Variants in TRMT10B observed in about 807,000 individuals in gnomAD.
TRMT10B encodes the protein tRNA methyltransferase 10B.
Under a neutral mutation model 43.8 loss-of-function variants are expected in TRMT10B, and 33 were observed. The observed-to-expected ratio is 0.75, with a 90% CI of 0.57 to 1.01. TRMT10B has a LOEUF of 1.01. TRMT10B is among the 50% of genes least tolerant of loss of function. TRMT10B has a pLI of 0.00. For missense variants in TRMT10B, 362 were observed against 369.8 expected (o/e 0.98, Z 0.17); for synonymous variants, 137 against 130.6 (o/e 1.05, Z -0.34).
At chr9:37,764,928 A>T (rs1405046738) in intron 4 of TRMT10B, among the ~76,000 whole-genome samples, 1 of 152,064 alleles carries the variant, frequency 6.6e-6, no homozygotes, top group African/African-American at 2.4e-5. Context: ...GTAATCAAGA[A>T]CAGAATGAAC....
chr9:37,763,813 A>G lies in TRMT10B; in HGVS notation c.420+60A>G, dbSNP rs753363625. ...CCATGAGGGAGGCCCAGAAGGGTACAGCTTTCCGAAGAATATGGTCAACTC... is the reference window on the plus strand; with the variant it reads ...CCATGAGGGAGGCCCAGAAGGGTACGGCTTTCCGAAGAATATGGTCAACTC... On this transcript the variant is annotated intron_variant, in intron 4 of 8. Transcript: ENST00000297994. 8.1e-6 allele frequency: 13 copies of G among 1,611,274 alleles called. No homozygotes were observed. In the African/African-American group the frequency reaches 1.6e-4, roughly 20 times the overall value.
In TRMT10B at chr9:37,761,982, G is replaced by T. The variant is rs114275172; in HGVS notation, c.51G>T (p.Leu17=). 7.0e-4 allele frequency: 1,132 copies of T among 1,614,012 alleles called. 6 individuals are homozygous for T. In the African/African-American group the frequency reaches 0.014, roughly 20 times the overall value. ...GSTQKVESPV[L]QGQEGILEET... ...CTCAGAAAGTAGAGTCACCTGTGCT[G>T]CAGGGGCAAGAAGGCATCCTAGAGG... Residue 17 remains leucine (L), a synonymous_variant, in exon 2 of 9, where the codon CTG becomes CTT. Coordinates refer to ENST00000297994, the MANE Select transcript of TRMT10B (RefSeq NM_144964.4).
intron 5 of TRMT10B, 132 bp from the exon 6 acceptor site, chr9:37,769,809 C>A (rs1827365741): frequency 5.4e-6 from 4 of 746,798 alleles, no homozygotes; most frequent in African/African-American, 5.2e-5. Flanking sequence ...CACCATGTTG[C>A]CCAGTCTGGT....
At chr9:37,761,850 T>C in intron 1 of TRMT10B, 53 bp from the exon 2 acceptor site, 2 of 1,271,256 alleles carry the variant, frequency 1.6e-6, no homozygotes, top group South Asian at 1.5e-5. Context: ...TGTAGGGAGA[T>C]ACCTATGTTA....
At chr9:37,776,716 A>G (rs1225397318) in intron 8 of TRMT10B, among the ~76,000 whole-genome samples, 4 of 152,072 alleles carry the variant, frequency 2.6e-5, no homozygotes, top group African/African-American at 7.3e-5. Context: ...CCTGGCCAAC[A>G]TGGTGAAACC....
intron 7 of TRMT10B, among the ~76,000 whole-genome samples, chr9:37,772,284 A>T (rs1827674273): frequency 6.6e-6 from 1 of 152,040 alleles, no homozygotes; most frequent in Non-Finnish European, 1.5e-5. Flanking sequence ...AAGTGCTGGG[A>T]TTACAGGCAT....
At position 37,777,626 on chromosome 9, in the gene TRMT10B, A is replaced by G; in HGVS notation, c.870A>G (p.Leu290=). ...TGTTTGATATCCTGTCCACTTACTT[A>G]GAGACTCACAACTGGCCTGAAGCAT... ...NQVFDILSTY[L]ETHNWPEALK... is the part of the protein sequence containing the mutation. The change falls in exon 9 of 9, where the codon TTA becomes TTG. Residue 290 remains leucine (L), a synonymous_variant. Coordinates refer to ENST00000297994, the MANE Select transcript of TRMT10B (RefSeq NM_144964.4). The G allele has an allele frequency of 6.8e-6, 11 of 1,613,934 alleles. No individual in the cohort carries two copies. The highest frequency in any genetic ancestry group is 9.3e-6 in the Non-Finnish European group (11 of 1,179,904).
At chr9:37,777,532 C>G in intron 8 of TRMT10B, 69 bp from the exon 9 acceptor site, 1 of 1,286,570 alleles carries the variant, frequency 7.8e-7, no homozygotes, top group East Asian at 2.3e-5. Flanking sequence ...TATTACAGAA[C>G]ATCCTTTTCA....
chr9:37,777,590 C>T lies in TRMT10B; in HGVS notation c.845-11C>T, dbSNP rs753022655. The T allele has an allele frequency of 6.3e-7, 1 of 1,598,100 alleles. No individual in the cohort carries two copies. Among genetic ancestry groups the T allele is most frequent in the South Asian group, 1.1e-5 (1 of 90,522 alleles). On this transcript the variant is annotated splice_polypyrimidine_tract_variant and intron_variant, in intron 8 of 8. Transcript: ENST00000297994. ...CTGTGGTCACTGTGTTTTCTGTTTA[C>T]TCTCTAACAGTGTTTGATATCCTGT...
At chr9:37,763,944 A>G in intron 4 of TRMT10B, 191 bp downstream of exon 4, 2 of 1,096,660 alleles carry the variant, frequency 1.8e-6, no homozygotes, top group Non-Finnish European at 1.2e-6. Context: ...GAATATATAT[A>G]GTTTGGTTTA....
chr9:37,775,816 C>T (rs975625335), intron 7 of TRMT10B, among the ~76,000 whole-genome samples: 2 of 152,210 alleles, frequency 1.3e-5, no homozygotes, highest in African/African-American at 4.8e-5. Flanking sequence ...TGAGGCACTT[C>T]ACCTGGCCCC....
At chr9:37,776,470 T>C in intron 8 of TRMT10B, 65 bp downstream of exon 8, 1 of 1,515,008 alleles carries the variant, frequency 6.6e-7, no homozygotes, top group Non-Finnish European at 8.8e-7. Flanking sequence ...GCACTGTGTT[T>C]AAGTGGCCTT....
At chr9:37,769,778 T>G in intron 5 of TRMT10B, 163 bp from the exon 6 acceptor site, 1 of 648,788 alleles carries the variant, frequency 1.5e-6, no homozygotes. Context: ...TTTTTTTGTA[T>G]TTTTAGTAGA....
At chr9:37,770,275 G>T (rs1827427362) in intron 6 of TRMT10B, among the ~76,000 whole-genome samples, 1 of 152,210 alleles carries the variant, frequency 6.6e-6, no homozygotes, top group Admixed American at 6.5e-5. Flanking sequence ...GTCTTTCCCA[G>T]TGTCCTTGGT....
In TRMT10B at chr9:37,778,486, G is replaced by A. The variant is rs1828416117; in HGVS notation, c.*779G>A. The A allele has an allele frequency of 1.3e-5, 2 of 151,838 alleles. No individual in the cohort carries two copies. Among genetic ancestry groups the A allele is most frequent in the Admixed American group, 1.3e-4 (2 of 15,258 alleles). The allele number at this position is 151,838 out of a possible 1,614,324, so 9.4% of individuals were successfully genotyped here. ...GCCAAGATCCAGCCTGGGCGACAGA[G>A]CCAGACTCTTGTCTCGAGGGGAAAA... On this transcript the variant is annotated 3_prime_UTR_variant, in exon 9 of 9. Coordinates refer to ENST00000297994, the MANE Select transcript of TRMT10B (RefSeq NM_144964.4).
At chr9:37,757,537 A>G (rs1471701168) in intron 1 of TRMT10B, among the ~76,000 whole-genome samples, 1 of 152,224 alleles carries the variant, frequency 6.6e-6, no homozygotes, top group Admixed American at 6.5e-5. Flanking sequence ...AGACAAATGG[A>G]CACAAATTTC....
intron 7 of TRMT10B, among the ~76,000 whole-genome samples, chr9:37,771,099 T>C (rs144249184): frequency 1.1e-3 from 160 of 152,374 alleles, no homozygotes; most frequent in African/African-American, 3.5e-3. Context: ...GGTTGATCTC[T>C]CTGCTGAAAT....
chr9:37,777,193 TCA>T (rs1828251849), intron 8 of TRMT10B, among the ~76,000 whole-genome samples: 6 of 14,286 alleles, frequency 4.2e-4, no homozygotes, highest in African/African-American at 2.6e-3. Context: ...CAACTCCGCC[TCA>T]AAAAAAAAAA....
intron 3 of TRMT10B, 110 bp from the exon 4 acceptor site, chr9:37,763,519 A>C: frequency 1.2e-6 from 1 of 842,782 alleles, no homozygotes; most frequent in South Asian, 1.7e-5. Flanking sequence ...ACCTTACATC[A>C]GTATCAAGTT....
Sources: allele counts gnomAD v4.1 joint callset (sites outside exome capture counted in the v4.1 genomes callset), GRCh38; gene constraint gnomAD v4.1.1; transcripts MANE v1.5; gene names NCBI Gene and HGNC (gene_info 2026-07-23, HGNC 2026-07-21).